Variants in CLTC observed in about 807,000 individuals in gnomAD.
The protein encoded by CLTC is clathrin heavy chain, also known as clathrin heavy chain 1.
CLTC carries 16 observed loss-of-function variants against 195.8 expected under a neutral mutation model. The ratio of observed to expected loss-of-function variants is 0.08; its 90% CI spans 0.06 to 0.12. The LOEUF is 0.12. Ranked by LOEUF, CLTC falls within the 10% of genes least tolerant of loss-of-function variation. CLTC has a pLI of 1.00. For missense variants in CLTC, 796 were observed against 2,027.0 expected, an observed-to-expected ratio of 0.39 and a Z score of 11.66; for synonymous variants, 667 against 689.4, an observed-to-expected ratio of 0.97 and a Z score of 0.51.
At chr17:59,628,578 G>A (rs907781205) in intron 1 of CLTC, among the ~76,000 whole-genome samples, 12 of 152,186 alleles carry the variant, frequency 7.9e-5, no homozygotes, top group Non-Finnish European at 1.6e-4. Context: ...GTCGATTTCT[G>A]GAGTTCCTCA....
Position 59,672,065 on chromosome 17 carries a change from A to G in CLTC, c.2293-1582A>G, listed in dbSNP as rs891286593. Among the ~76,000 whole-genome samples, 4 of 152,320 alleles carry G rather than the reference A, an allele frequency of 2.6e-5. No homozygotes were observed. In the East Asian group the frequency reaches 7.7e-4, roughly 29 times the overall value. The stretch of plus-strand genomic sequence containing the variant: ...GGTACTCATAAATATTTGTTAAATG[A>G]ACAAATTTATGTTGAAGAAAACCTC... On this transcript the variant is annotated intron_variant, in intron 14 of 31. Coordinates refer to ENST00000269122, the MANE Select transcript of CLTC (RefSeq NM_004859.4).
In CLTC at chr17:59,682,492, A is replaced by G; in HGVS notation, c.3600+64A>G. 1 of 1,599,370 alleles carries G rather than the reference A, an allele frequency of 6.3e-7. No homozygotes were observed. The highest frequency in any genetic ancestry group is 8.5e-7 in the Non-Finnish European group (1 of 1,170,324). Reference sequence around the variant, plus strand: ...CTACTTGATTAGCTTGGTAGGATCAAAACATCATAACTGAAGAATTCCAAG... The same window carrying G: ...CTACTTGATTAGCTTGGTAGGATCAGAACATCATAACTGAAGAATTCCAAG... On this transcript the variant is annotated intron_variant, in intron 22 of 31. Transcript: ENST00000269122. This position sits in a 1 kb window ranked among gnomAD's most constrained non-coding sequence, Gnocchi z 6.8.
At chr17:59,667,390 G>T (rs1008258807) in intron 13 of CLTC, among the ~76,000 whole-genome samples, 1 of 152,134 alleles carries the variant, frequency 6.6e-6, no homozygotes, top group African/African-American at 2.4e-5. Flanking sequence ...TAGGGATGCT[G>T]ATCAGGTAAT....
rs148534731 is a variant in CLTC, at chr17:59,645,138, A to G, written c.250+655A>G. On this transcript the variant is annotated intron_variant, in intron 2 of 31. Transcript: ENST00000269122. ...AGTGATTCATATTCTGGAATAGAAC[A>G]TACTTTACTAATATTAGCACCTAAA... Among the ~76,000 whole-genome samples the G allele has an allele frequency of 2.6e-3, 399 of 152,338 alleles. 1 individual carries two copies. Among genetic ancestry groups the G allele is most frequent in the African/African-American group, 8.6e-3 (356 of 41,578 alleles).
rs201945529 is a variant in CLTC, at chr17:59,666,276, C to T, written c.1782+36C>T. 34 of 1,605,220 alleles carry T rather than the reference C, an allele frequency of 2.1e-5. No homozygotes were observed. The highest frequency in any genetic ancestry group is 2.6e-5 in the Non-Finnish European group (31 of 1,172,672). ...TAATGCTTTTTAGGCATGTTTCCAA[C>T]ATTGTTTTAGTAATTGTGCAGCGCC... On this transcript the variant is annotated intron_variant, in intron 11 of 31. Coordinates refer to ENST00000269122, the MANE Select transcript of CLTC (RefSeq NM_004859.4). This position sits in a 1 kb window ranked among gnomAD's most constrained non-coding sequence, Gnocchi z 4.9.
intron 10 of CLTC, among the ~76,000 whole-genome samples, chr17:59,665,128 A>G (rs1424418418): frequency 6.6e-6 from 1 of 151,922 alleles, no homozygotes; most frequent in East Asian, 1.9e-4. Context: ...GGGTGGCTGA[A>G]GTGGAGGGAT....
chr17:59,654,779 C>T (rs900511937), intron 5 of CLTC, among the ~76,000 whole-genome samples: 3 of 152,214 alleles, frequency 2.0e-5, no homozygotes, highest in Admixed American at 6.5e-5. Context: ...CTGCACTTGG[C>T]CTATAACATT....
chr17:59,632,946 T>C, intron 1 of CLTC, among the ~76,000 whole-genome samples: 1 of 152,164 alleles, frequency 6.6e-6, no homozygotes, highest in Admixed American at 6.5e-5. Context: ...CACACAAAAA[T>C]TGTACTTAAA....
In CLTC at chr17:59,651,656, A is replaced by G. The variant is rs143603091; in HGVS notation, c.795+340A>G. Among the ~76,000 whole-genome samples, 531 of 152,370 alleles carry G rather than the reference A, an allele frequency of 3.5e-3. 4 individuals are homozygous for G. Among genetic ancestry groups the G allele is most frequent in the African/African-American group, 0.012 (482 of 41,590 alleles). ...ATAGCATTGTCTAGAAAAACAGTAT[A>G]CATACTGTAATTTAAAAATACTTTA... On this transcript the variant is annotated intron_variant, in intron 5 of 31. Transcript: ENST00000269122.
At chr17:59,630,221 C>T (rs1050644428) in intron 1 of CLTC, among the ~76,000 whole-genome samples, 1 of 151,594 alleles carries the variant, frequency 6.6e-6, no homozygotes, top group East Asian at 2.0e-4. Context: ...AGGCTGGCCT[C>T]GAACTCCTGA....
At chr17:59,679,558 T>A (rs1474303376) in intron 18 of CLTC, 39 bp downstream of exon 18, 1 of 1,523,496 alleles carries the variant, frequency 6.6e-7, no homozygotes, top group South Asian at 1.3e-5. Context: ...TCAGTAAAAA[T>A]TATACATTTT....
chr17:59,686,663 CAT>C (rs1280355937), intron 30 of CLTC, among the ~76,000 whole-genome samples: 1 of 152,162 alleles, frequency 6.6e-6, no homozygotes, highest in African/African-American at 2.4e-5. Context: ...AGAGAAAAAA[CAT>C]GTTGCCTTAT....
chr17:59,648,195 T>C lies in CLTC; in HGVS notation c.520-45T>C. 1.3e-6 allele frequency: 2 copies of C among 1,540,396 alleles called. No homozygotes were observed. The highest frequency in any genetic ancestry group is 1.8e-6 in the Non-Finnish European group (2 of 1,137,336). On this transcript the variant is annotated intron_variant, in intron 3 of 31. Coordinates refer to ENST00000269122, the MANE Select transcript of CLTC (RefSeq NM_004859.4). This position sits in a 1 kb window ranked among gnomAD's most constrained non-coding sequence, Gnocchi z 4.5. Reference sequence around the variant, plus strand: ...CATTACTTGATGAATCTGAGAGTTTTTGATTTATGGGTCTTCAAACGTTAT... The same window carrying C: ...CATTACTTGATGAATCTGAGAGTTTCTGATTTATGGGTCTTCAAACGTTAT...
At position 59,650,517 on chromosome 17, in the gene CLTC, TTG is replaced by T. The variant is rs2032303408; in HGVS notation, c.682-685_682-684del. On this transcript the variant is annotated intron_variant, in intron 4 of 31. Coordinates refer to ENST00000269122, the MANE Select transcript of CLTC (RefSeq NM_004859.4). ...TTTTTTTTTTTTTTGAGATGGAGTC[TTG>T]CTCTGTTGCCCAGGCTGGAATGCAG... 2.7e-5 allele frequency among the ~76,000 whole-genome samples: 4 copies of T among 149,646 alleles called. No homozygotes were observed. In the South Asian group the frequency reaches 8.7e-4, roughly 32 times the overall value.
At chr17:59,625,147 G>T (rs559173948) in intron 1 of CLTC, among the ~76,000 whole-genome samples, 108 of 150,638 alleles carry the variant, frequency 7.2e-4, no homozygotes, top group Middle Eastern at 6.8e-3. Context: ...GTCTCACTCT[G>T]TCGCCAGGCT....
chr17:59,647,768 T>C, intron 3 of CLTC, 102 bp downstream of exon 3: 1 of 1,050,580 alleles, frequency 9.5e-7, no homozygotes, highest in Non-Finnish European at 1.4e-6. Flanking sequence ...CTCAATCCTG[T>C]TGAATTTCAC....
At chr17:59,679,887 A>C (rs994994586) in intron 18 of CLTC, among the ~76,000 whole-genome samples, 4 of 151,828 alleles carry the variant, frequency 2.6e-5, no homozygotes, top group Non-Finnish European at 5.9e-5. Flanking sequence ...TGGCCAACGT[A>C]GTAAAACCCC....
chr17:59,690,035 C>T (rs568969264), intron 30 of CLTC: 2 of 152,312 alleles, frequency 1.3e-5, no homozygotes, highest in African/African-American at 4.8e-5. Flanking sequence ...GGGACAAAAT[C>T]AGGCTTTCCT....
At chr17:59,633,340 A>G (rs2031775490) in intron 1 of CLTC, among the ~76,000 whole-genome samples, 2 of 152,082 alleles carry the variant, frequency 1.3e-5, no homozygotes, top group African/African-American at 4.8e-5. Flanking sequence ...AAAAAATACA[A>G]AAATTAGCTG....
Sources: gnomAD v4.1 joint callset for allele counts (sites outside exome capture counted in the v4.1 genomes callset) on GRCh38, gnomAD v4.1.1 for gene constraint, Gnocchi (gnomAD v3.1) non-coding constraint, MANE v1.5 for transcripts, NCBI Gene and HGNC (gene_info 2026-07-23, HGNC 2026-07-21) for gene names.